The following LRRTM4 variants were observed in gnomAD, a reference collection of about 807,000 sequenced individuals.
The protein encoded by LRRTM4 is leucine rich repeat transmembrane neuronal 4.
In LRRTM4, 25 loss-of-function variants were observed where a neutral mutation model predicts 47.6. That is an observed-to-expected ratio of 0.53 (90% confidence interval 0.38 to 0.73). The LOEUF (loss-of-function observed/expected upper bound fraction) is 0.73. LRRTM4 is among the 30% of genes least tolerant of loss of function. LRRTM4 has a pLI of 0.00. For synonymous variants in LRRTM4, 311 were observed against 269.5 expected (o/e 1.15, Z -1.51); for missense variants, 638 against 713.4 (o/e 0.89, Z 1.20).
intron 3 of LRRTM4, among the ~76,000 whole-genome samples, chr2:76,958,253 G>A (rs1675740474): frequency 6.6e-6 from 1 of 151,706 alleles, no homozygotes; most frequent in African/African-American, 2.4e-5. Context: ...TCTTTCCCAG[G>A]AATCCAGAAT....
At chr2:77,475,526 T>C (rs1398970695) in intron 3 of LRRTM4, among the ~76,000 whole-genome samples, 2 of 152,218 alleles carry the variant, frequency 1.3e-5, no homozygotes, top group African/African-American at 4.8e-5. Context: ...ATTTGTTTTC[T>C]CTACAGAATT....
intron 3 of LRRTM4, among the ~76,000 whole-genome samples, chr2:77,212,542 A>T (rs1449325969): frequency 2.7e-5 from 4 of 149,070 alleles, no homozygotes; most frequent in Admixed American, 6.7e-5. Context: ...TCATGAGTTA[A>T]TCTTGAGAAT....
intron 3 of LRRTM4, among the ~76,000 whole-genome samples, chr2:77,220,072 C>T (rs146011509): frequency 0.012 from 1,773 of 152,242 alleles, 34 homozygotes; most frequent in African/African-American, 0.04. Flanking sequence ...CTGCAACCAC[C>T]GCTGCTGATA....
At chr2:77,119,637 T>C (rs931064274) in intron 3 of LRRTM4, among the ~76,000 whole-genome samples, 2 of 151,800 alleles carry the variant, frequency 1.3e-5, no homozygotes, top group Non-Finnish European at 3.0e-5. Flanking sequence ...TTACTTCCTA[T>C]AAACAAATTC....
chr2:77,323,039 G>C (rs530860977), intron 3 of LRRTM4, among the ~76,000 whole-genome samples: 28 of 151,898 alleles, frequency 1.8e-4, no homozygotes, highest in African/African-American at 6.5e-4. Context: ...TCATGGAGGC[G>C]TCACTTTTTC....
At chr2:76,910,691 G>C (rs1674022565) in intron 3 of LRRTM4, among the ~76,000 whole-genome samples, 1 of 152,078 alleles carries the variant, frequency 6.6e-6, no homozygotes, top group African/African-American at 2.4e-5. Flanking sequence ...CAATAAAATA[G>C]TCACAAAGAT....
intron 3 of LRRTM4, among the ~76,000 whole-genome samples, chr2:76,975,456 G>A (rs1248618486): frequency 1.3e-5 from 2 of 151,388 alleles, no homozygotes; most frequent in Admixed American, 6.6e-5. Flanking sequence ...TCTGAGAATT[G>A]AGAAAAGCTG....
intron 3 of LRRTM4, among the ~76,000 whole-genome samples, chr2:77,212,466 T>C (rs1466626394): frequency 1.4e-5 from 2 of 146,660 alleles, no homozygotes; most frequent in Non-Finnish European, 3.0e-5. Flanking sequence ...ATTATATATA[T>C]ATATATATAG....
At chr2:76,924,633 T>C (rs948461119) in intron 3 of LRRTM4, among the ~76,000 whole-genome samples, 14 of 151,726 alleles carry the variant, frequency 9.2e-5, no homozygotes, top group South Asian at 4.1e-4. Flanking sequence ...TACTGATATA[T>C]TATGAAACAG....
chr2:77,347,494 A>G (rs1671604645), intron 3 of LRRTM4, among the ~76,000 whole-genome samples: 1 of 152,184 alleles, frequency 6.6e-6, no homozygotes, highest in African/African-American at 2.4e-5. Context: ...AGAACACTAT[A>G]TTACAGTATT....
intron 3 of LRRTM4, among the ~76,000 whole-genome samples, chr2:76,871,893 G>A (rs568960170): frequency 1.3e-5 from 2 of 152,298 alleles, no homozygotes; most frequent in South Asian, 4.1e-4. Flanking sequence ...CTGCAAGGAA[G>A]TGAATCCTTT....
intron 3 of LRRTM4, among the ~76,000 whole-genome samples, chr2:77,244,320 G>A (rs1675363804): frequency 6.6e-6 from 1 of 150,604 alleles, no homozygotes; most frequent in Non-Finnish European, 1.5e-5. Context: ...GGTATTTCTA[G>A]TTCTAGATCC....
intron 3 of LRRTM4, among the ~76,000 whole-genome samples, chr2:76,966,734 A>G (rs1676037268): frequency 6.6e-6 from 1 of 151,480 alleles, no homozygotes; most frequent in Middle Eastern, 3.2e-3. Context: ...TGACAATCTA[A>G]TTACCAATTC....
intron 3 of LRRTM4, among the ~76,000 whole-genome samples, chr2:77,004,388 G>A (rs960062785): frequency 6.6e-5 from 10 of 152,176 alleles, no homozygotes; most frequent in African/African-American, 1.9e-4. Flanking sequence ...TTGGGACATG[G>A]CTTGAGAGGG....
At chr2:77,387,701 G>A (rs551861496) in intron 3 of LRRTM4, among the ~76,000 whole-genome samples, 13 of 152,126 alleles carry the variant, frequency 8.5e-5, no homozygotes, top group African/African-American at 2.7e-4. Context: ...GGCTAACACC[G>A]CGGGCCCTTC....
chr2:77,453,046 T>C lies in LRRTM4; in HGVS notation c.1551+65272A>G, dbSNP rs186265777. Among the ~76,000 whole-genome samples the C allele has an allele frequency of 7.0e-4, 106 of 152,136 alleles. 1 individual carries two copies. Among genetic ancestry groups the C allele is most frequent in the African/African-American group, 2.4e-3 (98 of 41,544 alleles). ...GATAAAGGGTAGAAAGTTTAACATA[T>C]AAATACTAAAGTTATTACTGATATT... On this transcript the variant is annotated intron_variant, in intron 3 of 3. Coordinates refer to ENST00000409884, the MANE Select transcript of LRRTM4 (RefSeq NM_001134745.3).
chr2:77,522,061 C>A (rs1679536487), intron 1 of LRRTM4, 48 bp downstream of exon 1: 1 of 714,484 alleles, frequency 1.4e-6, no homozygotes, highest in South Asian at 1.5e-5. Flanking sequence ...TCGGAGGTAA[C>A]CAACTTCTCT....
chr2:76,889,094 A>T (rs570216071), intron 3 of LRRTM4, among the ~76,000 whole-genome samples: 2 of 147,424 alleles, frequency 1.4e-5, no homozygotes, highest in Non-Finnish European at 3.1e-5. Context: ...AGTTTGAAAT[A>T]TACTACTTCA....
At chr2:77,108,578 C>CTTTTTTTTTT (rs200805423) in intron 3 of LRRTM4, among the ~76,000 whole-genome samples, 1 of 142,948 alleles carries the variant, frequency 7.0e-6, no homozygotes, top group African/African-American at 2.6e-5. Context: ...CACAAACATT[C>CTTTTTTTTTT]TTTTTTTTTT....
Sources: gnomAD v4.1 joint callset for allele counts (sites outside exome capture counted in the v4.1 genomes callset) on GRCh38, gnomAD v4.1.1 for gene constraint, MANE v1.5 for transcripts, NCBI Gene and HGNC (gene_info 2026-07-23, HGNC 2026-07-21) for gene names.